SRGAP2: variants seen among roughly 807,000 people sequenced by gnomAD.
SRGAP2 encodes the protein SLIT-ROBO Rho GTPase activating protein 2.
In SRGAP2, 15 loss-of-function variants were observed where a neutral mutation model predicts 57.2. That is an observed-to-expected ratio of 0.26 (90% CI 0.18 to 0.40). The LOEUF (loss-of-function observed/expected upper bound fraction) is 0.40, where lower values mean the gene tolerates loss of function less well. SRGAP2 is among the 10% of genes least tolerant of loss of function. The pLI is 1.00. For synonymous variants in SRGAP2, 249 were observed against 248.0 expected (o/e 1.00, Z -0.04); for missense variants, 520 against 669.6 (o/e 0.78, Z 2.47).
intron 2 of SRGAP2, among the ~76,000 whole-genome samples, chr1:206,283,039 G>A (rs2102692875): frequency 6.8e-6 from 1 of 146,186 alleles, no homozygotes; most frequent in Non-Finnish European, 1.5e-5. Context: ...CGATTATTTC[G>A]GTTCCTTGCA....
chr1:206,454,745 GC>G lies in SRGAP2; in HGVS notation c.2361-131del. On this transcript the variant is annotated intron_variant, in intron 20 of 22. Coordinates refer to ENST00000573034, the MANE Select transcript of SRGAP2 (RefSeq NM_015326.5). The surrounding 1 kb of genome is among the most constrained non-coding windows in gnomAD (Gnocchi z 4.3). ...TGCCTCTGCTCACAGAACTAGTCCA[GC>G]CAGGTGTCGCTGCTGCCTCAGAGCT... 1 of 607,220 alleles carries G rather than the reference GC, an allele frequency of 1.6e-6. No individual in the cohort carries two copies. Among genetic ancestry groups the G allele is most frequent in the Admixed American group, 2.9e-5 (1 of 34,068 alleles). 37.6% of individuals were successfully genotyped at this position (607,220 alleles called of 1,614,324 possible).
intron 3 of SRGAP2, among the ~76,000 whole-genome samples, chr1:206,309,528 A>G (rs1176382478): frequency 1.3e-5 from 2 of 150,884 alleles, no homozygotes; most frequent in African/African-American, 4.9e-5. Flanking sequence ...AAGGTATTCA[A>G]GAAACTAAAT....
chr1:206,460,328 T>C (rs907248678), intron 22 of SRGAP2, among the ~76,000 whole-genome samples: 1 of 152,228 alleles, frequency 6.6e-6, no homozygotes, highest in Admixed American at 6.5e-5. Flanking sequence ...CTAGGACTGC[T>C]GTTGGCTAAA....
At chr1:206,295,963 C>T (rs1291411679) in intron 2 of SRGAP2, among the ~76,000 whole-genome samples, 7 of 150,534 alleles carry the variant, frequency 4.7e-5, no homozygotes, top group African/African-American at 1.5e-4. Context: ...CTCAGACTTC[C>T]GGCTTCAAGC....
intron 2 of SRGAP2, among the ~76,000 whole-genome samples, chr1:206,225,839 T>G (rs1667243154): frequency 6.6e-6 from 1 of 151,450 alleles, no homozygotes; most frequent in African/African-American, 2.4e-5. Flanking sequence ...AAAACTGGAG[T>G]TCTGAGCTGC....
chr1:206,230,302 A>C (rs868995617), intron 2 of SRGAP2, among the ~76,000 whole-genome samples: 18 of 147,042 alleles, frequency 1.2e-4, no homozygotes, highest in Middle Eastern at 3.4e-3. Context: ...GCTAATAATT[A>C]ATTACGGAAA....
chr1:206,394,421 A>G (rs1443287254), intron 7 of SRGAP2, among the ~76,000 whole-genome samples: 6 of 152,196 alleles, frequency 3.9e-5, no homozygotes, highest in African/African-American at 7.2e-5. Context: ...GAACTTAACT[A>G]AAGAGTTACA....
intron 18 of SRGAP2, 37 bp from the exon 19 acceptor site, chr1:206,450,349 C>T (rs1292007092): frequency 2.6e-6 from 2 of 778,938 alleles, no homozygotes; most frequent in Admixed American, 1.7e-5. Context: ...TTTATGAGCA[C>T]ATGTTAATGT....
At chr1:206,419,525 T>TG in intron 12 of SRGAP2, 125 bp downstream of exon 12, 1 of 706,486 alleles carries the variant, frequency 1.4e-6, no homozygotes, top group South Asian at 1.5e-5. Context: ...AGCAATGGCC[T>TG]GGGGCGGGGT....
At chr1:206,368,855 G>GAAGGA (rs1382814283) in intron 4 of SRGAP2, among the ~76,000 whole-genome samples, 6 of 151,204 alleles carry the variant, frequency 4.0e-5, no homozygotes, top group African/African-American at 1.5e-4. Flanking sequence ...ATACAATTAA[G>GAAGGA]AAGGAAAGAT....
At chr1:206,220,268 T>G in intron 2 of SRGAP2, among the ~76,000 whole-genome samples, 1 of 151,010 alleles carries the variant, frequency 6.6e-6, no homozygotes, top group Middle Eastern at 3.4e-3. Flanking sequence ...CCTGTGGAGA[T>G]TGAAGATAAG....
chr1:206,374,182 G>A (rs1434116905), intron 4 of SRGAP2, among the ~76,000 whole-genome samples: 1,815 of 151,212 alleles, frequency 0.012, 23 homozygotes, highest in South Asian at 0.026. Flanking sequence ...CCGCCACTAC[G>A]CCCGGCTAAC....
chr1:206,245,314 G>T (rs1553309981), intron 2 of SRGAP2, among the ~76,000 whole-genome samples: 1 of 151,216 alleles, frequency 6.6e-6, no homozygotes, highest in Non-Finnish European at 1.5e-5. Flanking sequence ...ATGTGCCCAG[G>T]TTGGTTTGGA....
intron 10 of SRGAP2, among the ~76,000 whole-genome samples, chr1:206,414,034 T>C (rs1461142410): frequency 6.5e-5 from 8 of 123,912 alleles, no homozygotes; most frequent in Non-Finnish European, 1.3e-4. Flanking sequence ...TTTTTCTTTC[T>C]TTTTTTTTTT....
In SRGAP2 at chr1:206,461,018, C is replaced by G. The variant is rs781925834; in HGVS notation, c.2833-19C>G. On this transcript the variant is annotated intron_variant, in intron 22 of 22. Coordinates refer to ENST00000573034, the MANE Select transcript of SRGAP2 (RefSeq NM_015326.5). Reference sequence around the variant, plus strand: ...TCTCCCCTCATTTGCCTCACCTCCTCCTTTTTCCTGTTTTGCAGGATATTG... The same window carrying G: ...TCTCCCCTCATTTGCCTCACCTCCTGCTTTTTCCTGTTTTGCAGGATATTG... 39 of 676,956 alleles carry G rather than the reference C, an allele frequency of 5.8e-5. No homozygotes were observed. Among genetic ancestry groups the G allele is most frequent in the Middle Eastern group, 2.5e-4 (1 of 4,004 alleles). The allele number at this position is 676,956 out of a possible 1,614,324, so 41.9% of individuals were successfully genotyped here.
chr1:206,418,500 A>T (rs1013160649), intron 11 of SRGAP2, among the ~76,000 whole-genome samples: 2 of 152,256 alleles, frequency 1.3e-5, no homozygotes, highest in Non-Finnish European at 2.9e-5. Flanking sequence ...AGCACCTGCT[A>T]GGGTTTGCCC....
intron 2 of SRGAP2, among the ~76,000 whole-genome samples, chr1:206,298,581 G>C (rs1385860649): frequency 1.3e-5 from 2 of 151,996 alleles, no homozygotes; most frequent in Non-Finnish European, 2.9e-5. Flanking sequence ...ACAAGGTTGA[G>C]CAACAATCAT....
intron 3 of SRGAP2, among the ~76,000 whole-genome samples, chr1:206,304,424 C>A (rs1257960957): frequency 7.4e-6 from 1 of 135,614 alleles, no homozygotes; most frequent in African/African-American, 3.0e-5. Flanking sequence ...ATCTTTTGGT[C>A]TCCCTGGGCC....
chr1:206,444,830 C>T lies in SRGAP2; in HGVS notation c.1875-1245C>T, dbSNP rs550556952. 9.2e-5 allele frequency among the ~76,000 whole-genome samples: 14 copies of T among 152,306 alleles called. No individual in the cohort carries two copies. The South Asian group carries it at 2.7e-3, about 29-fold the overall frequency. On this transcript the variant is annotated intron_variant, in intron 17 of 22. Transcript: ENST00000573034. ...GTAACCTCCCCCGTTGCTGGCCTCT[C>T]CTGCATTTGATTCCAGGCTCTAGAG...
Sources: gnomAD v4.1 joint callset for allele counts (sites outside exome capture counted in the v4.1 genomes callset) on GRCh38, gnomAD v4.1.1 for gene constraint, Gnocchi (gnomAD v3.1) non-coding constraint, MANE v1.5 for transcripts, NCBI Gene and HGNC (gene_info 2026-07-23, HGNC 2026-07-21) for gene names.